NHS: variants seen among roughly 807,000 people sequenced by gnomAD.
The protein encoded by NHS is actin remodeling regulator NHS.
Under a neutral mutation model 72.5 loss-of-function variants are expected in NHS, and 5 were observed. That is an observed-to-expected ratio of 0.07 (90% confidence interval 0.04 to 0.14). The LOEUF is 0.14. NHS is among the 10% of genes least tolerant of loss of function. NHS has a pLI of 1.00. For missense variants in NHS, 1,072 were observed against 1,355.7 expected (o/e 0.79, Z 3.29); for synonymous variants, 464 against 547.7 (o/e 0.85, Z 2.13).
At chrX:17,596,737 A>C (rs980433520) in intron 1 of NHS, among the ~76,000 whole-genome samples, 1 of 111,735 alleles carries the variant, frequency 8.9e-6, no homozygotes, top group Admixed American at 9.5e-5. Context: ...CAGGGGCTTC[A>C]CACAAAGTTT....
chrX:17,669,099 C>T (rs1036216150), intron 1 of NHS, among the ~76,000 whole-genome samples: 18 of 112,380 alleles, frequency 1.6e-4, no homozygotes, highest in Non-Finnish European at 1.3e-4. Context: ...AACCCCATCA[C>T]GCTTTATCAC....
chrX:17,680,797 C>A, intron 1 of NHS, among the ~76,000 whole-genome samples: 1 of 110,507 alleles, frequency 9.0e-6, no homozygotes, highest in South Asian at 3.9e-4. Flanking sequence ...TAGTAGAATC[C>A]AATGACTCTG....
rs1410012475 is a variant in NHS at position 17,375,838 on chromosome X, G to C, written c.81G>C (p.Ala27=). Residue 27 remains alanine (A), a synonymous_variant, in exon 1 of 9, where the codon GCG becomes GCC. Transcript: ENST00000676302. ...RRPAPGPAVD[A]SGGSAEPPPP... ...CTGCGCCCGGCCCAGCAGTGGACGC[G>C]AGCGGAGGCAGCGCTGAGCCGCCGC... The C allele has an allele frequency of 6.1e-6, 7 of 1,146,162 alleles. No individual in the cohort carries two copies. Among genetic ancestry groups the C allele is most frequent in the Non-Finnish European group, 6.9e-6 (6 of 868,890 alleles). 94.5% of individuals were successfully genotyped at this position (1,146,162 alleles called of 1,213,427 possible). A position where few individuals can be genotyped will look rare whatever the true frequency, so the allele number is the denominator to read the frequency against.
At chrX:17,680,814 G>C (rs181875261) in intron 1 of NHS, among the ~76,000 whole-genome samples, 243 of 111,645 alleles carry the variant, frequency 2.2e-3, no homozygotes, top group African/African-American at 7.4e-3. Context: ...TCTGCTAGAT[G>C]CCTAAAGGAA....
At chrX:17,562,539 T>A (rs962747911) in intron 1 of NHS, among the ~76,000 whole-genome samples, 45 of 110,896 alleles carry the variant, frequency 4.1e-4, no homozygotes, top group Non-Finnish European at 1.3e-4. Flanking sequence ...GTGAGAGGTA[T>A]AAGGGAGATG....
chrX:17,393,432 A>G (rs1794027050), intron 1 of NHS, among the ~76,000 whole-genome samples: 1 of 112,561 alleles, frequency 8.9e-6, no homozygotes, highest in Non-Finnish European at 1.9e-5. Flanking sequence ...ACATTGGAGC[A>G]TAGTTGTGGG....
intron 1 of NHS, among the ~76,000 whole-genome samples, chrX:17,569,684 T>G (rs1407930735): frequency 1.8e-5 from 2 of 112,060 alleles, no homozygotes; most frequent in East Asian, 2.8e-4. Context: ...TAGATCCCAT[T>G]TGTCAATTTT....
intron 1 of NHS, among the ~76,000 whole-genome samples, chrX:17,603,398 G>T (rs1277733046): frequency 8.9e-6 from 1 of 112,147 alleles, no homozygotes; most frequent in Admixed American, 9.4e-5. Context: ...CAAGAAATAC[G>T]GTGGCCAAGA....
chrX:17,529,464 C>T (rs1199936511), intron 1 of NHS, among the ~76,000 whole-genome samples: 1 of 111,829 alleles, frequency 8.9e-6, no homozygotes, highest in Non-Finnish European at 1.9e-5. Flanking sequence ...TGATTTGGTT[C>T]CTGCTCAGGA....
At chrX:17,410,959 T>TA (rs1355086199) in intron 1 of NHS, among the ~76,000 whole-genome samples, 1 of 111,700 alleles carries the variant, frequency 9.0e-6, no homozygotes, top group African/African-American at 3.3e-5. Flanking sequence ...TGGGTGGAGA[T>TA]ACGTCCAACT....
chrX:17,702,242 A>G (rs551227299), intron 3 of NHS, among the ~76,000 whole-genome samples: 3 of 112,128 alleles, frequency 2.7e-5, no homozygotes, highest in Middle Eastern at 9.2e-3. Flanking sequence ...ACCTAACTAC[A>G]TTACAAATGA....
At chrX:17,419,439 G>T (rs754639998) in intron 1 of NHS, among the ~76,000 whole-genome samples, 85 of 111,850 alleles carry the variant, frequency 7.6e-4, no homozygotes, top group Non-Finnish European at 8.7e-4. Flanking sequence ...ATTGAAGTGA[G>T]AACAAAAATG....
intron 1 of NHS, among the ~76,000 whole-genome samples, chrX:17,478,995 GC>G (rs2064933745): frequency 9.0e-6 from 1 of 111,556 alleles, no homozygotes; most frequent in Non-Finnish European, 1.9e-5. Context: ...ATGGTGGTTT[GC>G]TGCACCCACC....
intron 1 of NHS, among the ~76,000 whole-genome samples, chrX:17,402,505 G>C (rs1275426021): frequency 8.9e-6 from 1 of 112,041 alleles, no homozygotes; most frequent in African/African-American, 3.2e-5. Context: ...AAAGATTATT[G>C]ATACATGCTA....
intron 1 of NHS, among the ~76,000 whole-genome samples, chrX:17,527,020 T>C (rs2146940125): frequency 8.9e-6 from 1 of 112,233 alleles, no homozygotes; most frequent in South Asian, 3.7e-4. Context: ...GCAAAAATAG[T>C]CTGGAGCACA....
rs1469103592 is a variant in NHS at position 17,567,830 on chromosome X, A to G, written c.566-119912A>G. Reference sequence around the variant, plus strand: ...AGGGGAGGAGGGAGGAAGAAGGGAGAAAGGGAAAAAGAAAGAGGGAGAGAA... The same window carrying G: ...AGGGGAGGAGGGAGGAAGAAGGGAGGAAGGGAAAAAGAAAGAGGGAGAGAA... On this transcript the variant is annotated intron_variant, in intron 1 of 8. Transcript: ENST00000676302. Among the ~76,000 whole-genome samples the G allele has an allele frequency of 4.5e-5, 5 of 110,734 alleles. No individual in the cohort carries two copies. The East Asian group carries it at 1.4e-3, about 32-fold the overall frequency.
intron 1 of NHS, among the ~76,000 whole-genome samples, chrX:17,443,706 C>A (rs1194204205): frequency 8.9e-6 from 1 of 112,207 alleles, no homozygotes; most frequent in Admixed American, 9.4e-5. Flanking sequence ...GCCTTTCCCT[C>A]TGCCTTGTTC....
intron 1 of NHS, among the ~76,000 whole-genome samples, chrX:17,484,031 A>G (rs750632301): frequency 2.8e-4 from 31 of 112,265 alleles, no homozygotes; most frequent in Non-Finnish European, 4.7e-4. Flanking sequence ...GGTGTGCCAG[A>G]GCTGACATGT....
rs933749740 is a variant in NHS at position 17,501,890 on chromosome X, C to G, written c.565+125568C>G. Among the ~76,000 whole-genome samples, 48 of 112,088 alleles carry G rather than the reference C, an allele frequency of 4.3e-4. 1 individual carries two copies. The highest frequency in any genetic ancestry group is 5.6e-5 in the Non-Finnish European group (3 of 53,196). ...TCACTATCCTTGTGAGAAAATGCAGCTCTAGGCCAACTTGCTTGGGAATAT... is the reference window on the plus strand; with the variant it reads ...TCACTATCCTTGTGAGAAAATGCAGGTCTAGGCCAACTTGCTTGGGAATAT... On this transcript the variant is annotated intron_variant, in intron 1 of 8. Transcript: ENST00000676302.
Sources: gnomAD v4.1 joint callset for allele counts (sites outside exome capture counted in the v4.1 genomes callset) on GRCh38, gnomAD v4.1.1 for gene constraint, MANE v1.5 for transcripts, NCBI Gene and HGNC (gene_info 2026-07-23, HGNC 2026-07-21) for gene names.